TSPAN18: variants seen among roughly 807,000 people sequenced by gnomAD.
The protein encoded by TSPAN18 is tetraspanin-18.
Under a neutral mutation model 27.3 loss-of-function variants are expected in TSPAN18, and 14 were observed. The observed-to-expected ratio is 0.51, with a 90% CI of 0.34 to 0.80. The LOEUF (loss-of-function observed/expected upper bound fraction) is 0.80. Among genes scored for constraint, TSPAN18 ranks in the 30% least tolerant of loss-of-function variants. The pLI, the probability that TSPAN18 is intolerant of heterozygous loss-of-function variation, is 0.01. For missense variants in TSPAN18, 268 were observed against 323.9 expected (o/e 0.83, Z 1.32); for synonymous variants, 143 against 136.5 (o/e 1.05, Z -0.33).
chr11:44,878,894 A>G (rs1237397763), intron 3 of TSPAN18, among the ~76,000 whole-genome samples: 1 of 121,968 alleles, frequency 8.2e-6, no homozygotes, highest in African/African-American at 2.6e-5. Flanking sequence ...GAGCTTCCCC[A>G]TTGTGTGTGA....
At chr11:44,928,250 G>A (rs1254431559) in intron 9 of TSPAN18, among the ~76,000 whole-genome samples, 1 of 152,228 alleles carries the variant, frequency 6.6e-6, no homozygotes, top group Non-Finnish European at 1.5e-5. Context: ...GGCTGCAGCT[G>A]CCTGCCTATT....
intron 2 of TSPAN18, among the ~76,000 whole-genome samples, chr11:44,782,699 C>G (rs1034369743): frequency 6.6e-6 from 1 of 152,164 alleles, no homozygotes; most frequent in Non-Finnish European, 1.5e-5. Flanking sequence ...GAGTTTTAGA[C>G]ATTCTAATAG....
chr11:44,882,672 G>T (rs1858528585), intron 3 of TSPAN18, among the ~76,000 whole-genome samples: 1 of 151,058 alleles, frequency 6.6e-6, no homozygotes, highest in Admixed American at 6.6e-5. Flanking sequence ...TTCCAAGAGG[G>T]AAGAGAGAGC....
intron 2 of TSPAN18, among the ~76,000 whole-genome samples, chr11:44,851,631 T>C (rs1857608390): frequency 8.1e-6 from 1 of 123,154 alleles, no homozygotes; most frequent in African/African-American, 2.8e-5. Flanking sequence ...CCCCAACGGC[T>C]GGGTCCCTGT....
intron 3 of TSPAN18, among the ~76,000 whole-genome samples, chr11:44,897,564 G>A (rs1005779410): frequency 1.3e-5 from 2 of 152,198 alleles, no homozygotes; most frequent in African/African-American, 4.8e-5. Context: ...CTGGGCAGAA[G>A]GCCACTCCCC....
intron 2 of TSPAN18, among the ~76,000 whole-genome samples, chr11:44,790,424 C>G (rs1856180192): frequency 7.4e-6 from 1 of 134,270 alleles, no homozygotes; most frequent in African/African-American, 2.8e-5. Context: ...CATGTGTGTG[C>G]ATGTGTGTGT....
chr11:44,825,079 C>T (rs950615580), intron 2 of TSPAN18, among the ~76,000 whole-genome samples: 5 of 152,162 alleles, frequency 3.3e-5, no homozygotes, highest in African/African-American at 1.2e-4. Context: ...GGTGCTAGGT[C>T]AGAGCCCCCT....
chr11:44,780,218 A>G (rs1855907257), intron 2 of TSPAN18, among the ~76,000 whole-genome samples: 2 of 152,178 alleles, frequency 1.3e-5, no homozygotes, highest in South Asian at 4.1e-4. Flanking sequence ...ACACACATGC[A>G]CACACACGTT....
chr11:44,890,027 G>T (rs2135279860), intron 3 of TSPAN18, among the ~76,000 whole-genome samples: 1 of 152,336 alleles, frequency 6.6e-6, no homozygotes, highest in African/African-American at 2.4e-5. Flanking sequence ...TCGTTCCATG[G>T]AGTTTAGGGT....
intron 2 of TSPAN18, among the ~76,000 whole-genome samples, chr11:44,786,748 C>T (rs547035733): frequency 1.3e-5 from 2 of 151,582 alleles, no homozygotes; most frequent in South Asian, 4.2e-4. Flanking sequence ...TCTCCTGCCT[C>T]AGCCTCCTGA....
chr11:44,926,418 A>G (rs1373179103), intron 8 of TSPAN18: 1 of 486,122 alleles, frequency 2.1e-6, no homozygotes, highest in South Asian at 2.9e-5. Flanking sequence ...GCAACATTAG[A>G]CATGGCCTGC....
At chr11:44,760,238 C>T (rs1225587596) in intron 1 of TSPAN18, among the ~76,000 whole-genome samples, 1 of 152,186 alleles carries the variant, frequency 6.6e-6, no homozygotes, top group African/African-American at 2.4e-5. Flanking sequence ...TATGGGCTCA[C>T]TCTGACAATG....
intron 2 of TSPAN18, among the ~76,000 whole-genome samples, chr11:44,771,053 T>C (rs1034128965): frequency 6.6e-5 from 10 of 152,104 alleles, no homozygotes; most frequent in Admixed American, 5.9e-4. Context: ...GGGGCTGGTC[T>C]CCAAATTTGA....
chr11:44,837,781 G>T (rs1432332331), intron 2 of TSPAN18, among the ~76,000 whole-genome samples: 1 of 152,218 alleles, frequency 6.6e-6, no homozygotes, highest in Non-Finnish European at 1.5e-5. Context: ...ACTTGCTGAA[G>T]GCTCAGACGA....
chr11:44,752,911 T>C (rs2134860585), intron 1 of TSPAN18, among the ~76,000 whole-genome samples: 1 of 152,354 alleles, frequency 6.6e-6, no homozygotes. Flanking sequence ...TGTAACTTTA[T>C]ACAAAGTTAC....
rs1859771783 is a variant in TSPAN18 at position 44,912,828 on chromosome 11, T to A, written c.258+2929T>A. Among the ~76,000 whole-genome samples, 4 of 149,696 alleles carry A rather than the reference T, an allele frequency of 2.7e-5. 1 individual carries two copies. In the South Asian group the frequency reaches 8.6e-4, roughly 32 times the overall value. On this transcript the variant is annotated intron_variant, in intron 5 of 9. Transcript: ENST00000520358. Reference sequence around the variant, plus strand: ...GTGTTATACGTGCATGGGCGTTACATGTGCATGGGTGTCATGTGTGCGTGG... The same window carrying A: ...GTGTTATACGTGCATGGGCGTTACAAGTGCATGGGTGTCATGTGTGCGTGG...
intron 1 of TSPAN18, among the ~76,000 whole-genome samples, chr11:44,750,259 G>A (rs1273757218): frequency 6.6e-6 from 1 of 152,154 alleles, no homozygotes; most frequent in Non-Finnish European, 1.5e-5. Flanking sequence ...CTAGAGATAT[G>A]TCTTTCAATA....
At chr11:44,813,507 C>T (rs1423232695) in intron 2 of TSPAN18, among the ~76,000 whole-genome samples, 1 of 152,172 alleles carries the variant, frequency 6.6e-6, no homozygotes, top group African/African-American at 2.4e-5. Flanking sequence ...ACAGTCTTAC[C>T]CTTTCTCATG....
At chr11:44,853,150 C>T (rs927285203) in intron 2 of TSPAN18, among the ~76,000 whole-genome samples, 2 of 152,148 alleles carry the variant, frequency 1.3e-5, no homozygotes, top group South Asian at 4.1e-4. Flanking sequence ...AGGAGAGGGA[C>T]GTGGTCCAAG....
Sources: allele counts gnomAD v4.1 joint callset (sites outside exome capture counted in the v4.1 genomes callset), GRCh38; gene constraint gnomAD v4.1.1; transcripts MANE v1.5; gene names NCBI Gene and HGNC (gene_info 2026-07-23, HGNC 2026-07-21).